The following ULK4 variants were observed in gnomAD, a reference collection of about 807,000 sequenced individuals.
The protein encoded by ULK4 is unc-51 like kinase 4, also known as inactive serine/threonine-protein kinase ULK4.
ULK4 carries 133 observed loss-of-function variants against 160.6 expected under a neutral mutation model. That is an observed-to-expected ratio of 0.83 (90% CI 0.72 to 0.96). The LOEUF (loss-of-function observed/expected upper bound fraction) is 0.96. Ranked by LOEUF, ULK4 falls within the 40% of genes least tolerant of loss-of-function variation. The pLI is 0.00. For missense variants in ULK4, 1,580 were observed against 1,499.5 expected, an observed-to-expected ratio of 1.05 and a Z score of -0.89; for synonymous variants, 534 against 539.8, an observed-to-expected ratio of 0.99 and a Z score of 0.15.
chr3:41,809,465 T>C (rs1322890872), intron 19 of ULK4, among the ~76,000 whole-genome samples: 1 of 152,206 alleles, frequency 6.6e-6, no homozygotes, highest in Non-Finnish European at 1.5e-5. Context: ...CAGATGTTAA[T>C]TTTGGTGCTC....
chr3:41,786,515 T>G (rs1049197785), intron 21 of ULK4, among the ~76,000 whole-genome samples: 2 of 148,326 alleles, frequency 1.3e-5, no homozygotes, highest in African/African-American at 5.0e-5. Context: ...GGTGGTCACC[T>G]GAGCCCAGAA....
In ULK4 at chr3:41,800,288, C is replaced by T. The variant is rs377148749; in HGVS notation, c.1854G>A (p.Glu618=). The change falls in exon 20 of 37, where the codon GAG becomes GAA. Residue 618 remains glutamate, a synonymous_variant. Transcript: ENST00000301831. The part of the protein sequence containing the change: ...VLMRCLREGE[E]RVVNHMAAKI... ...TTGCTGCCATGTGATTCACAACACG[C>T]TCTTCCTATAGAGAAAGGAGATTAA... The T allele has an allele frequency of 1.4e-5, 23 of 1,611,154 alleles. No individual in the cohort carries two copies. In the African/African-American group the frequency reaches 2.9e-4, roughly 21 times the overall value.
At chr3:41,383,977 T>A (rs1222069113) in intron 35 of ULK4, among the ~76,000 whole-genome samples, 3 of 152,210 alleles carry the variant, frequency 2.0e-5, no homozygotes, top group Non-Finnish European at 4.4e-5. Context: ...ATTTTATAGT[T>A]TTTACCCTTT....
At position 41,463,245 on chromosome 3, in the gene ULK4, T is replaced by A; in HGVS notation, c.3235A>T (p.Ser1079Cys). The A allele has an allele frequency of 6.2e-7, 1 of 1,612,404 alleles. No homozygotes were observed. Residue 1079 changes from serine (S) to cysteine (C), a missense_variant, in exon 33 of 37, where the codon AGT (serine) becomes TGT (cysteine). Coordinates refer to ENST00000301831, the MANE Select transcript of ULK4 (RefSeq NM_017886.4). ...MELLYEQGLV[S>C]HICNLLTETA... Reference sequence around the variant, plus strand: ...TCAGTGAGCAGGTTACAGATGTGACTGACAAGTCCTGAGGGTAAAAAAGGA... The same window carrying A: ...TCAGTGAGCAGGTTACAGATGTGACAGACAAGTCCTGAGGGTAAAAAAGGA...
intron 32 of ULK4, among the ~76,000 whole-genome samples, chr3:41,528,930 A>G (rs1346182500): frequency 6.6e-6 from 1 of 152,226 alleles, no homozygotes; most frequent in Non-Finnish European, 1.5e-5. Context: ...CCCCCGTGAC[A>G]CATGTCTGCC....
At chr3:41,782,433 A>G (rs1343863032) in intron 21 of ULK4, among the ~76,000 whole-genome samples, 5 of 152,180 alleles carry the variant, frequency 3.3e-5, no homozygotes, top group Admixed American at 2.6e-4. Flanking sequence ...CAACAACCCA[A>G]AAATAACTTA....
intron 32 of ULK4, among the ~76,000 whole-genome samples, chr3:41,491,385 C>T (rs1365658772): frequency 6.6e-6 from 1 of 151,856 alleles, no homozygotes; most frequent in Non-Finnish European, 1.5e-5. Context: ...CAACAATGAC[C>T]ACGACCATAT....
At chr3:41,520,986 A>T (rs2085912912) in intron 32 of ULK4, among the ~76,000 whole-genome samples, 1 of 152,174 alleles carries the variant, frequency 6.6e-6, no homozygotes, top group South Asian at 2.1e-4. Context: ...GTGATTTGCA[A>T]ATATTTCTTC....
chr3:41,579,738 C>T (rs571548669), intron 31 of ULK4, among the ~76,000 whole-genome samples: 3 of 152,074 alleles, frequency 2.0e-5, no homozygotes, highest in South Asian at 2.1e-4. Context: ...GTGATCCGCC[C>T]GTCTCGGCCT....
At chr3:41,805,516 C>G (rs1356484285) in intron 19 of ULK4, among the ~76,000 whole-genome samples, 10 of 151,884 alleles carry the variant, frequency 6.6e-5, no homozygotes, top group African/African-American at 2.2e-4. Context: ...ACTTCCAACA[C>G]TATGTTGAAT....
intron 35 of ULK4, among the ~76,000 whole-genome samples, chr3:41,313,265 T>G (rs2080084667): frequency 6.6e-6 from 1 of 152,250 alleles, no homozygotes; most frequent in Non-Finnish European, 1.5e-5. Context: ...TCATCATTTG[T>G]AATGTAGGGT....
intron 22 of ULK4, among the ~76,000 whole-genome samples, chr3:41,749,874 T>C (rs1045415488): frequency 2.6e-5 from 4 of 151,978 alleles, no homozygotes; most frequent in African/African-American, 9.7e-5. Flanking sequence ...TCTCAAGGCA[T>C]GAGAAGCAAT....
intron 22 of ULK4, among the ~76,000 whole-genome samples, chr3:41,737,046 G>A (rs1258482268): frequency 6.6e-6 from 1 of 151,764 alleles, no homozygotes; most frequent in Non-Finnish European, 1.5e-5. Flanking sequence ...TGTTCCATTG[G>A]TCTACATCTC....
At chr3:41,566,223 C>G in intron 31 of ULK4, 93 bp from the exon 32 acceptor site, 1 of 1,019,964 alleles carries the variant, frequency 9.8e-7, no homozygotes, top group East Asian at 2.5e-5. Flanking sequence ...CTGCTTCATT[C>G]TTTGCACAAG....
chr3:41,595,219 G>T (rs1403273093), intron 31 of ULK4, among the ~76,000 whole-genome samples: 1 of 152,102 alleles, frequency 6.6e-6, no homozygotes, highest in African/African-American at 2.4e-5. Context: ...GACCTGCAAG[G>T]CGTGGTAAAG....
At chr3:41,267,329 C>A (rs12330880) in intron 35 of ULK4, among the ~76,000 whole-genome samples, 31,564 of 152,060 alleles carry the variant, frequency 0.21, 4,662 homozygotes, top group African/African-American at 0.42. Flanking sequence ...CATGTCCCTG[C>A]AAAGGACATG....
chr3:41,261,882 T>A (rs1056250206), intron 35 of ULK4, among the ~76,000 whole-genome samples: 2 of 152,156 alleles, frequency 1.3e-5, no homozygotes, highest in Non-Finnish European at 2.9e-5. Flanking sequence ...TAGATGGAGG[T>A]CCGTCTTTGC....
At position 41,946,941 on chromosome 3, in the gene ULK4, G is replaced by A. The variant is rs138104761; in HGVS notation, c.138+7681C>T. Among the ~76,000 whole-genome samples the A allele has an allele frequency of 1.1e-4, 16 of 152,136 alleles. No homozygotes were observed. The East Asian group carries it at 2.3e-3, about 22-fold the overall frequency. On this transcript the variant is annotated intron_variant, in intron 2 of 36. Coordinates refer to ENST00000301831, the MANE Select transcript of ULK4 (RefSeq NM_017886.4). ...CACCCCCCTGAATTAAGCCTTTGAC[G>A]GACTCCAAAATGCTATCAAAATATG...
At chr3:41,295,846 T>A (rs1384645406) in intron 35 of ULK4, among the ~76,000 whole-genome samples, 1 of 152,196 alleles carries the variant, frequency 6.6e-6, no homozygotes. Context: ...AAACGGTCCA[T>A]CCACTTTGAA....
Sources: gnomAD v4.1 joint callset for allele counts (sites outside exome capture counted in the v4.1 genomes callset) on GRCh38, gnomAD v4.1.1 for gene constraint, MANE v1.5 for transcripts, NCBI Gene and HGNC (gene_info 2026-07-23, HGNC 2026-07-21) for gene names.